Variants in RPH3A observed in about 807,000 individuals in gnomAD.
RPH3A encodes rabphilin-3A.
Under a neutral mutation model 102.2 loss-of-function variants are expected in RPH3A, and 48 were observed. The ratio of observed to expected loss-of-function variants is 0.47; its 90% CI spans 0.37 to 0.60. RPH3A has a LOEUF of 0.60. Among genes scored for constraint, RPH3A ranks in the 20% least tolerant of loss-of-function variants. The pLI, the probability that RPH3A is intolerant of heterozygous loss-of-function variation, is 0.00. For synonymous variants in RPH3A, 310 were observed against 324.3 expected (o/e 0.96, Z 0.47); for missense variants, 781 against 910.1 (o/e 0.86, Z 1.83).
Position 112,815,907 on chromosome 12 carries a change from C to T in RPH3A, c.-18-12394C>T, listed in dbSNP as rs147350027. The stretch of plus-strand genomic sequence containing the variant: ...TAACAGCATGACAAAAGCAAGTTTC[C>T]GCTTTATCAAGGAATTGGGTAATTG... On this transcript the variant is annotated intron_variant, in intron 2 of 21. Coordinates refer to ENST00000389385, the MANE Select transcript of RPH3A (RefSeq NM_001143854.2). 7.1e-3 allele frequency among the ~76,000 whole-genome samples: 1,075 copies of T among 152,268 alleles called. 7 individuals are homozygous for T. Among genetic ancestry groups the T allele is most frequent in the Non-Finnish European group, 0.011 (739 of 68,024 alleles).
chr12:112,756,201 T>C (rs2136063871), intron 1 of RPH3A, among the ~76,000 whole-genome samples: 1 of 152,260 alleles, frequency 6.6e-6, no homozygotes, highest in Middle Eastern at 3.4e-3. Flanking sequence ...TAATGTATTA[T>C]TGACATCACA....
chr12:112,873,650 C>T lies in RPH3A; in HGVS notation c.797-1434C>T, dbSNP rs113775440. On this transcript the variant is annotated intron_variant, in intron 10 of 21. Coordinates refer to ENST00000389385, the MANE Select transcript of RPH3A (RefSeq NM_001143854.2). Reference sequence around the variant, plus strand: ...TCTGAGATAGATTTGGACAGAAGTCCTACCTTCGGGGCTTCCTGGTTATGT... The same window carrying T: ...TCTGAGATAGATTTGGACAGAAGTCTTACCTTCGGGGCTTCCTGGTTATGT... Among the ~76,000 whole-genome samples the T allele has an allele frequency of 1.8e-3, 274 of 152,292 alleles. 1 individual carries two copies. The highest frequency in any genetic ancestry group is 3.2e-3 in the Non-Finnish European group (221 of 68,020).
intron 1 of RPH3A, among the ~76,000 whole-genome samples, chr12:112,769,846 T>G (rs2040915739): frequency 1.3e-5 from 2 of 152,204 alleles, no homozygotes; most frequent in Non-Finnish European, 2.9e-5. Flanking sequence ...AAAATGAGAT[T>G]TACAAATAAG....
chr12:112,652,013 G>C (rs1020812400), intron 1 of RPH3A, among the ~76,000 whole-genome samples: 43 of 152,134 alleles, frequency 2.8e-4, no homozygotes, highest in African/African-American at 8.2e-4. Flanking sequence ...GAAGAATTGG[G>C]GTTGTTTCCA....
Position 112,897,102 on chromosome 12 carries a change from TTAGGACTGTTTTTAGACCCTCC to T in RPH3A, c.*326_*347del, listed in dbSNP as rs1466421335. 2 of 289,842 alleles carry T rather than the reference TTAGGACTGTTTTTAGACCCTCC, an allele frequency of 6.9e-6. No homozygotes were observed. Among genetic ancestry groups the T allele is most frequent in the Non-Finnish European group, 1.4e-5 (2 of 147,978 alleles). 18.0% of individuals were successfully genotyped at this position (289,842 alleles called of 1,614,324 possible). On this transcript the variant is annotated 3_prime_UTR_variant, in exon 22 of 22. Coordinates refer to ENST00000389385, the MANE Select transcript of RPH3A (RefSeq NM_001143854.2). Reference sequence around the variant, plus strand: ...GTAAATTACAAAGGTTCTTCATCATTTAGGACTGTTTTTAGACCCTCCTAGCCTTGAACACACACATGTACAC... The same window carrying T: ...GTAAATTACAAAGGTTCTTCATCATTTAGCCTTGAACACACACATGTACAC...
At chr12:112,832,719 T>C (rs2136161639) in intron 3 of RPH3A, among the ~76,000 whole-genome samples, 1 of 152,300 alleles carries the variant, frequency 6.6e-6, no homozygotes. Flanking sequence ...GGTGCATGCC[T>C]GTGTTCTCAG....
chr12:112,823,067 C>T (rs1414697835), intron 2 of RPH3A, among the ~76,000 whole-genome samples: 3 of 152,088 alleles, frequency 2.0e-5, no homozygotes, highest in Non-Finnish European at 4.4e-5. Context: ...CTTACCCAAG[C>T]CAAAGTATGT....
intron 1 of RPH3A, among the ~76,000 whole-genome samples, chr12:112,758,405 T>A (rs2040834692): frequency 6.6e-6 from 1 of 152,206 alleles, no homozygotes; most frequent in African/African-American, 2.4e-5. Context: ...GAAAGTAAAC[T>A]CATTTTCCTC....
chr12:112,708,946 T>G (rs2040442549), intron 1 of RPH3A, among the ~76,000 whole-genome samples: 1 of 152,130 alleles, frequency 6.6e-6, no homozygotes, highest in African/African-American at 2.4e-5. Context: ...TTACTCTCAT[T>G]TATTGGAGTT....
At chr12:112,876,146 C>T (rs184268881) in intron 12 of RPH3A, among the ~76,000 whole-genome samples, 10 of 152,270 alleles carry the variant, frequency 6.6e-5, no homozygotes, top group African/African-American at 2.2e-4. Context: ...ATATAATAAG[C>T]CCACACTGAG....
At chr12:112,672,584 G>C (rs1245634099) in intron 1 of RPH3A, among the ~76,000 whole-genome samples, 3 of 152,114 alleles carry the variant, frequency 2.0e-5, no homozygotes, top group African/African-American at 7.2e-5. Context: ...CAGGTGCCTT[G>C]GTGCTCTCCC....
In RPH3A at chr12:112,772,845, A is replaced by T. The variant is rs1374199090; in HGVS notation, c.-139-19298A>T. Among the ~76,000 whole-genome samples the T allele has an allele frequency of 2.0e-5, 3 of 152,130 alleles. No homozygotes were observed. In the South Asian group the frequency reaches 6.2e-4, roughly 32 times the overall value. On this transcript the variant is annotated intron_variant, in intron 1 of 21. Coordinates refer to the RPH3A transcript ENST00000543106. The stretch of plus-strand genomic sequence containing the variant: ...TTGGTTCACTCATCTCCCGAGCAGT[A>T]TACACTGCACCATATTTGTAGTCTT...
At chr12:112,636,286 A>G (rs925961053) in intron 1 of RPH3A, among the ~76,000 whole-genome samples, 1 of 152,170 alleles carries the variant, frequency 6.6e-6, no homozygotes, top group Non-Finnish European at 1.5e-5. Context: ...AATCACACAT[A>G]TCACTTCTAC....
chr12:112,700,598 G>GT (rs2040387132), intron 1 of RPH3A, among the ~76,000 whole-genome samples: 1 of 152,218 alleles, frequency 6.6e-6, no homozygotes, highest in South Asian at 2.1e-4. Flanking sequence ...GTCTGCACCT[G>GT]GTCTGCTAAT....
chr12:112,766,429 G>A (rs1010202795), intron 1 of RPH3A, among the ~76,000 whole-genome samples: 2 of 152,194 alleles, frequency 1.3e-5, no homozygotes, highest in East Asian at 3.9e-4. Context: ...TCTTAGGCTG[G>A]TTCCCAGGTG....
intron 5 of RPH3A, 113 bp from the exon 6 acceptor site, chr12:112,865,301 A>G (rs180702784): frequency 4.0e-5 from 50 of 1,257,510 alleles, no homozygotes; most frequent in East Asian, 2.8e-4. Context: ...CTGTCATCAG[A>G]CGCACAACAG....
At chr12:112,840,465 C>T (rs2042123336) in intron 4 of RPH3A, among the ~76,000 whole-genome samples, 2 of 152,250 alleles carry the variant, frequency 1.3e-5, no homozygotes, top group South Asian at 4.2e-4. Context: ...CATTAACCAT[C>T]CTGACTTTAT....
intron 5 of RPH3A, among the ~76,000 whole-genome samples, chr12:112,861,169 G>A (rs1446098722): frequency 1.3e-5 from 2 of 152,068 alleles, no homozygotes; most frequent in African/African-American, 4.8e-5. Context: ...TGAAACCCTC[G>A]GGGTACCATG....
chr12:112,788,174 G>T (rs1449128760), upstream of RPH3A, among the ~76,000 whole-genome samples: 1 of 152,188 alleles, frequency 6.6e-6, no homozygotes, highest in Non-Finnish European at 1.5e-5. Context: ...ATGGGGCAAG[G>T]TCCCCTGACA....
Sources: gnomAD v4.1 joint callset for allele counts (sites outside exome capture counted in the v4.1 genomes callset) on GRCh38, gnomAD v4.1.1 for gene constraint, MANE v1.5 for transcripts, NCBI Gene and HGNC (gene_info 2026-07-23, HGNC 2026-07-21) for gene names.